The following LRRTM4 variants were observed in gnomAD, a reference collection of about 807,000 sequenced individuals.
LRRTM4 encodes leucine-rich repeat transmembrane neuronal protein 4.
Under a neutral mutation model 47.6 loss-of-function variants are expected in LRRTM4, and 25 were observed. The ratio of observed to expected loss-of-function variants is 0.53; its 90% confidence interval spans 0.38 to 0.73. LRRTM4 has a LOEUF of 0.73. Ranked by LOEUF, LRRTM4 falls within the 30% of genes least tolerant of loss-of-function variation. LRRTM4 has a pLI of 0.00. For synonymous variants in LRRTM4, 311 were observed against 269.5 expected (o/e 1.15, Z -1.51); for missense variants, 638 against 713.4 (o/e 0.89, Z 1.20).
chr2:77,066,044 G>C (rs1322238482), intron 3 of LRRTM4, among the ~76,000 whole-genome samples: 2 of 151,968 alleles, frequency 1.3e-5, no homozygotes, highest in South Asian at 2.1e-4. Context: ...AGAAGCTACA[G>C]CTTCTCAGAG....
chr2:77,461,722 G>A (rs1376274195), intron 3 of LRRTM4, among the ~76,000 whole-genome samples: 1 of 151,970 alleles, frequency 6.6e-6, no homozygotes, highest in Non-Finnish European at 1.5e-5. Flanking sequence ...CTGAGGATTT[G>A]GGAACATTAT....
chr2:77,516,017 T>C (rs1361936223), intron 3 of LRRTM4, among the ~76,000 whole-genome samples: 2 of 151,832 alleles, frequency 1.3e-5, no homozygotes, highest in African/African-American at 4.8e-5. Flanking sequence ...TTCATTTAAA[T>C]ATAGTTTTAT....
At chr2:76,775,149 A>G (rs184975594) in intron 3 of LRRTM4, among the ~76,000 whole-genome samples, 2 of 152,248 alleles carry the variant, frequency 1.3e-5, no homozygotes, top group Admixed American at 6.5e-5. Flanking sequence ...TTCATTCACA[A>G]CATTTAGACA....
intron 3 of LRRTM4, among the ~76,000 whole-genome samples, chr2:77,183,261 G>A (rs1335711359): frequency 2.0e-5 from 3 of 152,220 alleles, no homozygotes; most frequent in South Asian, 2.1e-4. Context: ...CCATCAAAAC[G>A]TGGGTGAAGG....
chr2:77,047,255 A>G (rs1679264722), intron 3 of LRRTM4, among the ~76,000 whole-genome samples: 1 of 151,680 alleles, frequency 6.6e-6, no homozygotes, highest in Non-Finnish European at 1.5e-5. Context: ...ATTGTTGTGG[A>G]TATTATTATT....
chr2:77,308,064 A>T (rs13393008), intron 3 of LRRTM4, among the ~76,000 whole-genome samples: 3 of 142,508 alleles, frequency 2.1e-5, no homozygotes, highest in African/African-American at 7.7e-5. Flanking sequence ...ATATCTATAT[A>T]TCTATATAAC....
chr2:77,217,783 G>A (rs990285608), intron 3 of LRRTM4, among the ~76,000 whole-genome samples: 2 of 151,934 alleles, frequency 1.3e-5, no homozygotes. Flanking sequence ...TCATTTTGAT[G>A]TAGCAATCTG....
intron 3 of LRRTM4, among the ~76,000 whole-genome samples, chr2:77,185,672 G>A (rs1434414171): frequency 1.3e-5 from 2 of 152,076 alleles, no homozygotes; most frequent in African/African-American, 4.8e-5. Flanking sequence ...AAAGATTGTT[G>A]CTTATTCAAG....
At chr2:77,111,283 ATTTT>A (rs71381260) in intron 3 of LRRTM4, among the ~76,000 whole-genome samples, 1 of 113,168 alleles carries the variant, frequency 8.8e-6, no homozygotes, top group South Asian at 3.0e-4. Flanking sequence ...ACACCTGGCT[ATTTT>A]TTTTTTTTTT....
chr2:77,182,295 A>C (rs1318645506), intron 3 of LRRTM4, among the ~76,000 whole-genome samples: 1 of 152,302 alleles, frequency 6.6e-6, no homozygotes, highest in East Asian at 1.9e-4. Flanking sequence ...GCTGGAAGCC[A>C]TCATCCTCAG....
chr2:77,081,387 T>C (rs1239843792), intron 3 of LRRTM4, among the ~76,000 whole-genome samples: 1 of 151,912 alleles, frequency 6.6e-6, no homozygotes, highest in Non-Finnish European at 1.5e-5. Flanking sequence ...GTAAATTAAA[T>C]GTAAAAGGTG....
Position 77,076,786 on chromosome 2 carries a change from CGAT to C in LRRTM4, c.1552-327873_1552-327871del, listed in dbSNP as rs1680351122. Reference sequence around the variant, plus strand: ...GATAACATTTCATTGTCCAAAGTATCGATGAATGTCATTTGATTTAAAAAGTAG... The same window carrying C: ...GATAACATTTCATTGTCCAAAGTATCGAATGTCATTTGATTTAAAAAGTAG... On this transcript the variant is annotated intron_variant, in intron 3 of 3. Coordinates refer to ENST00000409884, the MANE Select transcript of LRRTM4 (RefSeq NM_001134745.3). Among the ~76,000 whole-genome samples, 7 of 152,044 alleles carry C rather than the reference CGAT, an allele frequency of 4.6e-5. No individual in the cohort carries two copies. In the South Asian group the frequency reaches 1.5e-3, roughly 32 times the overall value.
At chr2:77,379,725 C>G (rs778767853) in intron 3 of LRRTM4, among the ~76,000 whole-genome samples, 4 of 151,434 alleles carry the variant, frequency 2.6e-5, no homozygotes, top group African/African-American at 9.7e-5. Flanking sequence ...TTTTTTATTT[C>G]GCCTTCTTTC....
chr2:76,749,019 A>G, intron 3 of LRRTM4, 103 bp from the exon 4 acceptor site: 2 of 817,772 alleles, frequency 2.4e-6, no homozygotes, highest in African/African-American at 3.4e-5. Flanking sequence ...TGCTGTTTCA[A>G]GTCATCAGCT....
chr2:77,075,992 T>G (rs1171400435), intron 3 of LRRTM4, among the ~76,000 whole-genome samples: 2 of 149,192 alleles, frequency 1.3e-5, no homozygotes, highest in East Asian at 4.0e-4. Flanking sequence ...CATTCTGAAG[T>G]CTGATGCAGA....
chr2:77,126,324 T>C (rs890240373), intron 3 of LRRTM4, among the ~76,000 whole-genome samples: 2 of 152,146 alleles, frequency 1.3e-5, no homozygotes, highest in Non-Finnish European at 2.9e-5. Context: ...TCACTAAATA[T>C]GACAAATTAA....
At chr2:76,849,010 A>T (rs1389452197) in intron 3 of LRRTM4, among the ~76,000 whole-genome samples, 3 of 151,978 alleles carry the variant, frequency 2.0e-5, no homozygotes, top group East Asian at 3.9e-4. Flanking sequence ...GTTATACCAG[A>T]TTTCTCTCTC....
At chr2:77,329,278 A>T (rs968572737) in intron 3 of LRRTM4, among the ~76,000 whole-genome samples, 1 of 152,176 alleles carries the variant, frequency 6.6e-6, no homozygotes, top group African/African-American at 2.4e-5. Flanking sequence ...TGAATTTCTA[A>T]CCAAACAGGT....
chr2:76,859,610 T>C (rs190426255), intron 3 of LRRTM4, among the ~76,000 whole-genome samples: 2 of 152,230 alleles, frequency 1.3e-5, no homozygotes, highest in East Asian at 1.9e-4. Context: ...GTGCAAAATA[T>C]ATAGATAATA....
Sources: allele counts gnomAD v4.1 joint callset (sites outside exome capture counted in the v4.1 genomes callset), GRCh38; gene constraint gnomAD v4.1.1; transcripts MANE v1.5; gene names NCBI Gene and HGNC (gene_info 2026-07-23, HGNC 2026-07-21).